KY: variants seen among roughly 807,000 people sequenced by gnomAD.
KY encodes kyphoscoliosis peptidase.
KY carries 43 observed loss-of-function variants against 76.1 expected under a neutral mutation model. The ratio of observed to expected loss-of-function variants is 0.57; its 90% CI spans 0.44 to 0.73. The LOEUF is 0.73. Ranked by LOEUF, KY falls within the 30% of genes least tolerant of loss-of-function variation. The pLI, the probability that KY is intolerant of heterozygous loss-of-function variation, is 0.00. For missense variants in KY, 722 were observed against 828.9 expected, an observed-to-expected ratio of 0.87 and a Z score of 1.58; for synonymous variants, 277 against 326.2, an observed-to-expected ratio of 0.85 and a Z score of 1.63.
At chr3:134,643,824 T>A (rs909475325) in intron 2 of KY, among the ~76,000 whole-genome samples, 1 of 125,326 alleles carries the variant, frequency 8.0e-6, no homozygotes, top group Admixed American at 9.2e-5. Flanking sequence ...TTGAGTCTCC[T>A]GCTTCTTTTT....
At chr3:134,621,534 A>G (rs1962615182) in intron 6 of KY, among the ~76,000 whole-genome samples, 1 of 152,194 alleles carries the variant, frequency 6.6e-6, no homozygotes, top group East Asian at 1.9e-4. Flanking sequence ...ATAAACTTGG[A>G]TCTCTACCTC....
At position 134,610,293 on chromosome 3, in the gene KY, A is replaced by G. The variant is rs781141766; in HGVS notation, c.801T>C (p.His267=). The G allele has an allele frequency of 2.5e-6, 4 of 1,613,746 alleles. No homozygotes were observed. Among genetic ancestry groups the G allele is most frequent in the Non-Finnish European group, 3.4e-6 (4 of 1,179,816 alleles). ...TGQSFSGEFD[H]AWNAVYLEGR... ...CCTCCAGGTACACAGCATTCCAGGC[A>G]TGGTCAAACTCCCCCGAGAAGCTCT... Residue 267 remains histidine (H), a synonymous_variant, in exon 9 of 11, where the codon CAT becomes CAC. Transcript: ENST00000423778.
In KY at chr3:134,650,436, G is replaced by A. The variant is rs76488157; in HGVS notation, c.136+389C>T. Among the ~76,000 whole-genome samples the A allele has an allele frequency of 1.1e-4, 17 of 152,312 alleles. No homozygotes were observed. The East Asian group carries it at 3.3e-3, about 30-fold the overall frequency. ...GGTTTCCCAGCGTCCCCTGTGCCCT[G>A]CAGTGTGCTGTGGGGGGGAGCAGGC... On this transcript the variant is annotated intron_variant, in intron 1 of 10. Coordinates refer to ENST00000423778, the MANE Select transcript of KY (RefSeq NM_178554.6).
At chr3:134,634,056 A>G (rs1365458316) in intron 3 of KY, among the ~76,000 whole-genome samples, 4 of 152,212 alleles carry the variant, frequency 2.6e-5, no homozygotes, top group Admixed American at 6.5e-5. Context: ...AAAATCCCAA[A>G]CATGTGCAAT....
chr3:134,644,403 G>A (rs1966177984), intron 2 of KY, among the ~76,000 whole-genome samples: 1 of 152,206 alleles, frequency 6.6e-6, no homozygotes, highest in Non-Finnish European at 1.5e-5. Flanking sequence ...GGGGAAGCAT[G>A]ACCTTTCCTC....
Position 134,604,397 on chromosome 3 carries a change from G to C in KY, c.1168C>G (p.His390Asp), listed in dbSNP as rs1229133427. ...TTCTTCCTTAGGCTCAGCAGCCCATGCTCTTGCTTGCCATTGAGCATGAAC... is the reference window on the plus strand; with the variant it reads ...TTCTTCCTTAGGCTCAGCAGCCCATCCTCTTGCTTGCCATTGAGCATGAAC... ...FMFMLNGKQEHGLLSLRKNGM... is the reference protein window; with the variant it reads ...FMFMLNGKQEDGLLSLRKNGM... Residue 390 changes from histidine (H) to aspartate (D), a missense_variant, in exon 11 of 11, where the codon CAT (histidine) becomes GAT (aspartate). His to Asp is a moderately conservative substitution (Grantham distance 81, BLOSUM62 -1). Coordinates refer to ENST00000423778, the MANE Select transcript of KY (RefSeq NM_178554.6). 18 of 1,613,910 alleles carry C rather than the reference G, an allele frequency of 1.1e-5. No homozygotes were observed. The highest frequency in any genetic ancestry group is 1.7e-5 in the Admixed American group (1 of 60,010).
intron 8 of KY, among the ~76,000 whole-genome samples, chr3:134,616,703 C>A (rs2107809424): frequency 6.6e-6 from 1 of 152,296 alleles, no homozygotes; most frequent in South Asian, 2.1e-4. Flanking sequence ...TGTTAAGTAT[C>A]TGGACCAGGG....
rs1265816182 is a variant in KY at position 134,647,429 on chromosome 3, A to G, written c.199+6T>C. The stretch of plus-strand genomic sequence containing the variant: ...CCTATAGGTTGAAAGGAAAAAGAGA[A>G]TTTACCGTGAAAGTCATTTCCTTCT... On this transcript the variant is annotated splice_donor_region_variant and intron_variant, in intron 2 of 10. Coordinates refer to ENST00000423778, the MANE Select transcript of KY (RefSeq NM_178554.6). The G allele has an allele frequency of 6.2e-7, 1 of 1,602,242 alleles. No individual in the cohort carries two copies. The highest frequency in any genetic ancestry group is 8.5e-7 in the Non-Finnish European group (1 of 1,170,966).
chr3:134,603,286 C>A lies in KY; in HGVS notation c.*293G>T. 3.6e-6 allele frequency: 1 copy of A among 277,312 alleles called. No homozygotes were observed. Among genetic ancestry groups the A allele is most frequent in the East Asian group, 6.6e-5 (1 of 15,120 alleles). The allele number at this position is 277,312 out of a possible 1,614,324, so 17.2% of individuals were successfully genotyped here. A position where few individuals can be genotyped will look rare whatever the true frequency, so the allele number is the denominator to read the frequency against. ...AACAACAACAGCAGCAGCACTAATA[C>A]GAGAAGGGGCATCTGGATGCAGGTG... On this transcript the variant is annotated 3_prime_UTR_variant, in exon 11 of 11. Coordinates refer to ENST00000423778, the MANE Select transcript of KY (RefSeq NM_178554.6).
At position 134,608,908 on chromosome 3, in the gene KY, G is replaced by T. The variant is rs538644084; in HGVS notation, c.900-69C>A. On this transcript the variant is annotated intron_variant, in intron 9 of 10. Transcript: ENST00000423778. ...GAGGCAGGGGCCCAATACACCCACC[G>T]GAGTGGTCCTATGGACACCCTGGAT... The T allele has an allele frequency of 4.6e-6, 7 of 1,527,646 alleles. No homozygotes were observed. The African/African-American group carries it at 9.6e-5, about 21-fold the overall frequency. The allele number at this position is 1,527,646 out of a possible 1,614,324, so 94.6% of individuals were successfully genotyped here.
intron 4 of KY, among the ~76,000 whole-genome samples, chr3:134,628,644 G>A (rs185019392): frequency 2.4e-3 from 371 of 152,296 alleles, no homozygotes; most frequent in South Asian, 5.2e-3. Flanking sequence ...ATAAAGGTTC[G>A]AAATGATAGC....
At chr3:134,608,293 ACT>A in intron 10 of KY, 1 of 1,220,952 alleles carries the variant, frequency 8.2e-7, no homozygotes, top group Non-Finnish European at 1.0e-6. Flanking sequence ...ACTGAGAGAG[ACT>A]CACCCAGCTA....
At chr3:134,649,281 G>A (rs1966799842) in intron 1 of KY, among the ~76,000 whole-genome samples, 1 of 152,276 alleles carries the variant, frequency 6.6e-6, no homozygotes, top group East Asian at 1.9e-4. Flanking sequence ...GAGCCATGGC[G>A]AGTTTGTGCT....
chr3:134,623,806 A>T (rs538606846), intron 6 of KY, among the ~76,000 whole-genome samples: 56 of 152,180 alleles, frequency 3.7e-4, no homozygotes, highest in African/African-American at 1.3e-3. Flanking sequence ...CACGCTGTTG[A>T]CCACGTCTGC....
chr3:134,638,273 G>A (rs1458679461), intron 3 of KY, among the ~76,000 whole-genome samples: 4 of 152,152 alleles, frequency 2.6e-5, no homozygotes, highest in East Asian at 3.9e-4. Flanking sequence ...TGGCTATGAC[G>A]CTACTGGATC....
At chr3:134,646,359 C>T (rs1301831501) in intron 2 of KY, among the ~76,000 whole-genome samples, 1 of 152,078 alleles carries the variant, frequency 6.6e-6, no homozygotes, top group African/African-American at 2.4e-5. Context: ...CTTGAGGACT[C>T]TTACCAAAGG....
intron 8 of KY, chr3:134,615,439 G>A (rs1465449238): frequency 6.6e-6 from 1 of 150,564 alleles, no homozygotes; most frequent in African/African-American, 2.4e-5. Flanking sequence ...AGCTGACATG[G>A]TAAGTTAATT....
At position 134,610,251 on chromosome 3, in the gene KY, C is replaced by T. The variant is rs1960131236; in HGVS notation, c.843G>A (p.Val281=). The T allele has an allele frequency of 1.2e-6, 2 of 1,613,954 alleles. No homozygotes were observed. Among genetic ancestry groups the T allele is most frequent in the Non-Finnish European group, 1.7e-6 (2 of 1,179,882 alleles). ...AVYLEGRWHL[V]DSTWGSGLVD... Reference sequence around the variant, plus strand: ...CCAGGCCGCTGCCCCAGGTGCTGTCCACCAGGTGCCATCTTCCCTCCAGGT... The same window carrying T: ...CCAGGCCGCTGCCCCAGGTGCTGTCTACCAGGTGCCATCTTCCCTCCAGGT... The change falls in exon 9 of 11, where the codon GTG becomes GTA. Residue 281 remains valine, a synonymous_variant. Coordinates refer to ENST00000423778, the MANE Select transcript of KY (RefSeq NM_178554.6).
chr3:134,620,676 C>T (rs1311815330), intron 7 of KY, 73 bp downstream of exon 7: 1 of 1,051,622 alleles, frequency 9.5e-7, no homozygotes, highest in Non-Finnish European at 1.4e-6. Context: ...CGTGAATAAG[C>T]TGATAGGAGC....
Sources: allele counts gnomAD v4.1 joint callset (sites outside exome capture counted in the v4.1 genomes callset), GRCh38; gene constraint gnomAD v4.1.1; transcripts MANE v1.5; gene names NCBI Gene and HGNC (gene_info 2026-07-23, HGNC 2026-07-21).